The following RPS6KC1 variants were observed in gnomAD, a reference collection of about 807,000 sequenced individuals.
The protein encoded by RPS6KC1 is inactive ribosomal protein S6 kinase delta-1.
RPS6KC1 carries 54 observed loss-of-function variants against 103.8 expected under a neutral mutation model. The observed-to-expected ratio is 0.52, with a 90% confidence interval of 0.42 to 0.65. RPS6KC1 has a LOEUF of 0.65. Ranked by LOEUF, RPS6KC1 falls within the 30% of genes least tolerant of loss-of-function variation. The pLI is 0.00. For missense variants in RPS6KC1, 1,151 were observed against 1,253.8 expected (o/e 0.92, Z 1.24); for synonymous variants, 439 against 438.7 (o/e 1.00, Z -0.01).
At chr1:213,129,384 T>C in intron 5 of RPS6KC1, 143 bp from the exon 6 acceptor site, 1 of 870,886 alleles carries the variant, frequency 1.1e-6, no homozygotes, top group Non-Finnish European at 1.7e-6. Flanking sequence ...CCTAAACAAA[T>C]TGCTAGACAC....
At chr1:213,111,699 G>T (rs1403821553) in intron 4 of RPS6KC1, among the ~76,000 whole-genome samples, 1 of 152,040 alleles carries the variant, frequency 6.6e-6, no homozygotes, top group African/African-American at 2.4e-5. Flanking sequence ...TAATGTCTTA[G>T]TTAGAAGACA....
intron 6 of RPS6KC1, among the ~76,000 whole-genome samples, chr1:213,133,800 C>T (rs190728453): frequency 1.3e-3 from 194 of 152,212 alleles, no homozygotes; most frequent in African/African-American, 3.2e-3. Flanking sequence ...AGTTGAGCTA[C>T]GATTTTAATC....
At chr1:213,075,365 A>G (rs2079237730) in intron 2 of RPS6KC1, among the ~76,000 whole-genome samples, 1 of 152,216 alleles carries the variant, frequency 6.6e-6, no homozygotes, top group Non-Finnish European at 1.5e-5. Flanking sequence ...TATTTTTAAA[A>G]TATAAAAATA....
the RPS6KC1 span, among the ~76,000 whole-genome samples, chr1:213,426,455 G>A: frequency 2.8e-4 from 42 of 152,162 alleles, no homozygotes; most frequent in East Asian, 2.7e-3. Context: ...GAGTTTTTGC[G>A]GTCTCCTTCC....
chr1:213,260,897 T>C (rs914298600), intron 12 of RPS6KC1, among the ~76,000 whole-genome samples: 1 of 152,202 alleles, frequency 6.6e-6, no homozygotes, highest in African/African-American at 2.4e-5. Flanking sequence ...AAAGTGTAAT[T>C]TGTAGATATT....
chr1:213,654,101 A>C, the RPS6KC1 span, among the ~76,000 whole-genome samples: 6 of 152,240 alleles, frequency 3.9e-5, no homozygotes, highest in African/African-American at 1.4e-4. Flanking sequence ...TCTCAGCTGA[A>C]GGCTGTCTTC....
At chr1:213,558,536 C>A in the RPS6KC1 span, among the ~76,000 whole-genome samples, 1 of 152,202 alleles carries the variant, frequency 6.6e-6, no homozygotes, top group Non-Finnish European at 1.5e-5. Context: ...TCACAAACTA[C>A]CCATTGGAGC....
chr1:213,815,986 T>C, the RPS6KC1 span, among the ~76,000 whole-genome samples: 1 of 152,194 alleles, frequency 6.6e-6, no homozygotes, highest in Non-Finnish European at 1.5e-5. Flanking sequence ...AATTTCAATA[T>C]GATTGTGCCT....
chr1:213,779,334 T>C, the RPS6KC1 span, among the ~76,000 whole-genome samples: 1 of 152,176 alleles, frequency 6.6e-6, no homozygotes, highest in Non-Finnish European at 1.5e-5. Flanking sequence ...AAACTCAATA[T>C]GTAGATGACT....
At chr1:213,233,433 A>G (rs2094149367) in intron 10 of RPS6KC1, among the ~76,000 whole-genome samples, 1 of 152,202 alleles carries the variant, frequency 6.6e-6, no homozygotes, top group Admixed American at 6.5e-5. Flanking sequence ...GTGTGGAACA[A>G]AATAACTTGC....
At chr1:213,349,468 C>T in the RPS6KC1 span, among the ~76,000 whole-genome samples, 4 of 152,106 alleles carry the variant, frequency 2.6e-5, no homozygotes, top group Non-Finnish European at 4.4e-5. Context: ...AGGCAGCATC[C>T]GCACTTTCCA....
At chr1:213,772,927 G>T in the RPS6KC1 span, among the ~76,000 whole-genome samples, 1 of 152,172 alleles carries the variant, frequency 6.6e-6, no homozygotes, top group East Asian at 1.9e-4. Context: ...AGAAAGGGGG[G>T]TAATGAAATG....
intron 1 of RPS6KC1, among the ~76,000 whole-genome samples, chr1:213,064,965 G>A (rs1276581918): frequency 5.8e-5 from 8 of 137,034 alleles, no homozygotes; most frequent in Non-Finnish European, 1.2e-4. Flanking sequence ...GTGAGCCACC[G>A]TGCCCGGCCT....
At chr1:213,717,550 C>G in the RPS6KC1 span, among the ~76,000 whole-genome samples, 1 of 152,114 alleles carries the variant, frequency 6.6e-6, no homozygotes, top group Admixed American at 6.5e-5. Flanking sequence ...AGAAAAGAAA[C>G]TAGAAACGTA....
intron 6 of RPS6KC1, among the ~76,000 whole-genome samples, chr1:213,141,749 G>A (rs1027649694): frequency 6.6e-6 from 1 of 151,666 alleles, no homozygotes; most frequent in Non-Finnish European, 1.5e-5. Context: ...ACTTTTTAAT[G>A]TGGATGTTTA....
chr1:213,145,317 C>T (rs2087613253), intron 6 of RPS6KC1, among the ~76,000 whole-genome samples: 1 of 152,046 alleles, frequency 6.6e-6, no homozygotes, highest in African/African-American at 2.4e-5. Flanking sequence ...AACGTTCTCT[C>T]TGAGTTAAGA....
chr1:213,850,118 A>G, the RPS6KC1 span, among the ~76,000 whole-genome samples: 3 of 152,134 alleles, frequency 2.0e-5, no homozygotes, highest in African/African-American at 7.2e-5. Context: ...CTTTGGCTAT[A>G]ACTTTAGAAT....
the RPS6KC1 span, among the ~76,000 whole-genome samples, chr1:213,531,798 G>A: frequency 2.6e-5 from 4 of 152,224 alleles, no homozygotes; most frequent in Admixed American, 1.3e-4. Flanking sequence ...CCTGTGCTGC[G>A]GTTTCCCAGC....
At chr1:213,140,296 A>G (rs2086859625) in intron 6 of RPS6KC1, among the ~76,000 whole-genome samples, 1 of 151,968 alleles carries the variant, frequency 6.6e-6, no homozygotes, top group Non-Finnish European at 1.5e-5. Context: ...AGATGATTTG[A>G]CTTCCTCTCT....
Sources: allele counts gnomAD v4.1 joint callset (sites outside exome capture counted in the v4.1 genomes callset), GRCh38; gene constraint gnomAD v4.1.1; transcripts MANE v1.5; gene names NCBI Gene and HGNC (gene_info 2026-07-23, HGNC 2026-07-21).